OPCML: variants seen among roughly 807,000 people sequenced by gnomAD.
OPCML encodes opioid-binding protein/cell adhesion molecule.
In OPCML, 13 loss-of-function variants were observed where a neutral mutation model predicts 37.8. That is an observed-to-expected ratio of 0.34 (90% CI 0.22 to 0.55). OPCML has a LOEUF of 0.55. Among genes scored for constraint, OPCML ranks in the 20% least tolerant of loss-of-function variants. The pLI is 0.91. For synonymous variants in OPCML, 176 were observed against 168.8 expected (o/e 1.04, Z -0.33); for missense variants, 341 against 435.6 (o/e 0.78, Z 1.93).
chr11:132,496,132 G>T (rs1161028062), intron 4 of OPCML, among the ~76,000 whole-genome samples: 2 of 152,050 alleles, frequency 1.3e-5, no homozygotes, highest in African/African-American at 4.8e-5. Flanking sequence ...CTGCAGTCCT[G>T]GCACAGAGGC....
chr11:133,363,078 T>C (rs1269103760), intron 1 of OPCML, among the ~76,000 whole-genome samples: 1 of 152,106 alleles, frequency 6.6e-6, no homozygotes, highest in Non-Finnish European at 1.5e-5. Flanking sequence ...CCCTGCCCCA[T>C]GGAAGGACCG....
At chr11:133,508,747 A>G (rs1207673622) in intron 1 of OPCML, among the ~76,000 whole-genome samples, 1 of 152,156 alleles carries the variant, frequency 6.6e-6, no homozygotes, top group African/African-American at 2.4e-5. Flanking sequence ...CTGTGTCAGC[A>G]GCCTTGTCCC....
intron 1 of OPCML, among the ~76,000 whole-genome samples, chr11:133,143,301 A>C (rs1361727132): frequency 6.6e-6 from 1 of 152,164 alleles, no homozygotes; most frequent in Non-Finnish European, 1.5e-5. Flanking sequence ...GTGGAACACT[A>C]TCATTAGCTT....
In OPCML at chr11:132,869,824, T is replaced by C. The variant is rs531298902; in HGVS notation, c.146+73102A>G. Among the ~76,000 whole-genome samples, 8 of 152,198 alleles carry C rather than the reference T, an allele frequency of 5.3e-5. No homozygotes were observed. In the East Asian group the frequency reaches 1.5e-3, roughly 29 times the overall value. ...TTGACTGCCTCAAGATTCAGAAAAATATTAGGCTGTACTGGCAGGTCTGAG... is the reference window on the plus strand; with the variant it reads ...TTGACTGCCTCAAGATTCAGAAAAACATTAGGCTGTACTGGCAGGTCTGAG... On this transcript the variant is annotated intron_variant, in intron 2 of 7. Coordinates refer to ENST00000524381, the MANE Select transcript of OPCML (RefSeq NM_001012393.5).
chr11:133,285,287 T>C (rs1942266062), intron 1 of OPCML, among the ~76,000 whole-genome samples: 1 of 152,146 alleles, frequency 6.6e-6, no homozygotes, highest in Non-Finnish European at 1.5e-5. Context: ...CACGTGGCAA[T>C]TTAAGTTATC....
intron 4 of OPCML, among the ~76,000 whole-genome samples, chr11:132,478,991 A>C (rs1476831205): frequency 6.6e-6 from 1 of 152,190 alleles, no homozygotes; most frequent in African/African-American, 2.4e-5. Flanking sequence ...AGAGCACATC[A>C]AAACAAAATG....
At chr11:133,049,040 T>C (rs1327091442) in intron 1 of OPCML, among the ~76,000 whole-genome samples, 1 of 152,244 alleles carries the variant, frequency 6.6e-6, no homozygotes, top group African/African-American at 2.4e-5. Context: ...AAACCTGCTA[T>C]GTGGCAGACT....
intron 1 of OPCML, among the ~76,000 whole-genome samples, chr11:132,982,325 C>A (rs1256231761): frequency 1.4e-5 from 2 of 141,362 alleles, no homozygotes; most frequent in Non-Finnish European, 3.1e-5. Context: ...AACACCTCTA[C>A]CTTTCTCTCC....
At chr11:133,363,376 C>G (rs894785049) in intron 1 of OPCML, among the ~76,000 whole-genome samples, 4 of 152,204 alleles carry the variant, frequency 2.6e-5, no homozygotes, top group African/African-American at 9.6e-5. Context: ...TGAGTTCTCT[C>G]TCTTTCAGTA....
At chr11:132,486,094 G>A (rs994570610) in intron 4 of OPCML, among the ~76,000 whole-genome samples, 4 of 152,194 alleles carry the variant, frequency 2.6e-5, no homozygotes, top group Non-Finnish European at 4.4e-5. Flanking sequence ...ATTGTAGTGT[G>A]AGTCAAGGAT....
intron 1 of OPCML, among the ~76,000 whole-genome samples, chr11:133,239,457 C>T (rs1204367359): frequency 6.6e-6 from 1 of 152,128 alleles, no homozygotes; most frequent in Non-Finnish European, 1.5e-5. Flanking sequence ...AGAGAAAAAG[C>T]CTGCAAAAAT....
chr11:132,517,551 C>G (rs1337481115), intron 4 of OPCML, among the ~76,000 whole-genome samples: 1 of 152,154 alleles, frequency 6.6e-6, no homozygotes. Context: ...TTTTGTTCAG[C>G]AGCAAGAGTC....
At chr11:132,730,534 T>C (rs867806158) in intron 2 of OPCML, among the ~76,000 whole-genome samples, 1 of 152,196 alleles carries the variant, frequency 6.6e-6, no homozygotes, top group Non-Finnish European at 1.5e-5. Context: ...AATGTGGTGA[T>C]GGAACTCAGG....
Position 132,436,199 on chromosome 11 carries a change from T to C in OPCML, c.803A>G (p.Lys268Arg), listed in dbSNP as rs2096012399. 10 of 1,614,138 alleles carry C rather than the reference T, an allele frequency of 6.2e-6. No individual in the cohort carries two copies. The highest frequency in any genetic ancestry group is 1.1e-5 in the South Asian group (1 of 91,092). The change falls in exon 7 of 8, where the codon AAA becomes AGA. Residue 268 changes from lysine to arginine, a missense_variant. Transcript: ENST00000524381. Reference protein sequence around the residue: ...TGLDGMRIENKGRMSTLTFFN... With the variant: ...TGLDGMRIENRGRMSTLTFFN... ...GAAAGTCAGAGTGGACATGCGGCCT[T>C]TGTTTTCAATCCTCATTCCATCCAG...
rs186153570 is a variant in OPCML, at chr11:133,339,685, C to T, written c.61+192579G>A. Among the ~76,000 whole-genome samples the T allele has an allele frequency of 1.0e-3, 159 of 152,316 alleles. 1 individual carries two copies. The highest frequency in any genetic ancestry group is 3.6e-3 in the African/African-American group (148 of 41,570). On this transcript the variant is annotated intron_variant, in intron 1 of 7. Coordinates refer to ENST00000524381, the MANE Select transcript of OPCML (RefSeq NM_001012393.5). ...AGTGGTCTCTAGAGGGCCAAGCCTA[C>T]CCTTGTCTCCTGGACCTCATGGCAC...
At chr11:132,948,637 G>A (rs552711586) in intron 1 of OPCML, among the ~76,000 whole-genome samples, 4 of 152,082 alleles carry the variant, frequency 2.6e-5, no homozygotes, top group Non-Finnish European at 5.9e-5. Flanking sequence ...GAATTAGCAA[G>A]ACCTAGGATA....
intron 3 of OPCML, among the ~76,000 whole-genome samples, chr11:132,547,367 A>C (rs891886396): frequency 7.9e-5 from 12 of 152,322 alleles, no homozygotes; most frequent in Non-Finnish European, 1.5e-4. Context: ...AATCAAGAGT[A>C]AATGGCATGC....
intron 1 of OPCML, among the ~76,000 whole-genome samples, chr11:133,055,468 C>T (rs113806889): frequency 4.5e-4 from 67 of 149,544 alleles, no homozygotes; most frequent in East Asian, 2.8e-3. Flanking sequence ...ATGAGGGAGC[C>T]GCCTCTACCG....
At position 133,113,010 on chromosome 11, in the gene OPCML, A is replaced by G. The variant is rs373821904; in HGVS notation, c.62-170000T>C. Among the ~76,000 whole-genome samples the G allele has an allele frequency of 1.4e-4, 22 of 152,338 alleles. No individual in the cohort carries two copies. The East Asian group carries it at 3.1e-3, about 21-fold the overall frequency. On this transcript the variant is annotated intron_variant, in intron 1 of 7. Transcript: ENST00000524381. ...AATTCCCATCTGCAATTTATCTGCAATTACAGAATATATATGCCCCTTTCA... is the reference window on the plus strand; with the variant it reads ...AATTCCCATCTGCAATTTATCTGCAGTTACAGAATATATATGCCCCTTTCA...
Sources: allele counts gnomAD v4.1 joint callset (sites outside exome capture counted in the v4.1 genomes callset), GRCh38; gene constraint gnomAD v4.1.1; transcripts MANE v1.5; gene names NCBI Gene and HGNC (gene_info 2026-07-23, HGNC 2026-07-21).